LINGO2: variants seen among roughly 807,000 people sequenced by gnomAD.
LINGO2 encodes the protein leucine rich repeat and Ig domain containing 2, also known as leucine-rich repeat and immunoglobulin-like domain-containing nogo receptor-interacting protein 2.
Under a neutral mutation model 30.6 loss-of-function variants are expected in LINGO2, and 14 were observed. The ratio of observed to expected loss-of-function variants is 0.46; its 90% CI spans 0.30 to 0.72. The LOEUF is 0.72. Among genes scored for constraint, LINGO2 ranks in the 30% least tolerant of loss-of-function variants. The probability of loss-of-function intolerance (pLI) is 0.07; values close to 1 mark genes in which losing one functional copy is unlikely to be tolerated. For missense variants in LINGO2, 729 were observed against 751.7 expected, an observed-to-expected ratio of 0.97 and a Z score of 0.35; for synonymous variants, 317 against 288.5, an observed-to-expected ratio of 1.10 and a Z score of -1.00.
the LINGO2 span, among the ~76,000 whole-genome samples, chr9:29,171,989 T>G: frequency 4.0e-5 from 6 of 151,898 alleles, no homozygotes; most frequent in African/African-American, 1.4e-4. Context: ...AAATAAAAGT[T>G]GTTATAATGA....
chr9:28,598,270 A>G (rs1201946808), intron 1 of LINGO2, among the ~76,000 whole-genome samples: 1 of 152,112 alleles, frequency 6.6e-6, no homozygotes, highest in Non-Finnish European at 1.5e-5. Context: ...AAGTTCTTAT[A>G]TACATCTTAC....
At chr9:28,740,123 T>C in the LINGO2 span, among the ~76,000 whole-genome samples, 1 of 150,804 alleles carries the variant, frequency 6.6e-6, no homozygotes, top group Non-Finnish European at 1.5e-5. Flanking sequence ...GATCTTAATA[T>C]TTTAAAATTA....
the LINGO2 span, among the ~76,000 whole-genome samples, chr9:28,835,655 G>C: frequency 2.0e-5 from 3 of 152,148 alleles, no homozygotes; most frequent in African/African-American, 7.2e-5. Context: ...CTGATCAACT[G>C]AACAAGCAAG....
chr9:28,085,849 T>A (rs1296491518), intron 4 of LINGO2, among the ~76,000 whole-genome samples: 2 of 152,108 alleles, frequency 1.3e-5, no homozygotes, highest in Non-Finnish European at 2.9e-5. Flanking sequence ...GGTATTTTAC[T>A]GGGCGGTATG....
the LINGO2 span, among the ~76,000 whole-genome samples, chr9:29,115,874 A>G: frequency 6.6e-6 from 1 of 152,060 alleles, no homozygotes; most frequent in African/African-American, 2.4e-5. Flanking sequence ...AATATCTAGA[A>G]AAGTCCAAAG....
chr9:28,660,848 T>C lies in LINGO2; in HGVS notation c.-365+9352A>G, dbSNP rs575054533. ...AGATTTTAGATGAATATAGAATGTA[T>C]TGTATCTCTGGTCTGATGCTACCTT... On this transcript the variant is annotated intron_variant, in intron 1 of 5. Coordinates refer to ENST00000379992, the Ensembl canonical transcript of LINGO2. Among the ~76,000 whole-genome samples, 31 of 152,286 alleles carry C rather than the reference T, an allele frequency of 2.0e-4. No individual in the cohort carries two copies. In the South Asian group the frequency reaches 3.7e-3, roughly 18 times the overall value.
intron 2 of LINGO2, among the ~76,000 whole-genome samples, chr9:28,452,314 G>A (rs909864600): frequency 4.6e-5 from 7 of 151,706 alleles, no homozygotes; most frequent in African/African-American, 1.7e-4. Context: ...TAATAGAACA[G>A]CTTTCACGAA....
At chr9:29,098,377 A>G in the LINGO2 span, among the ~76,000 whole-genome samples, 2 of 152,132 alleles carry the variant, frequency 1.3e-5, no homozygotes, top group Non-Finnish European at 2.9e-5. Flanking sequence ...AAAGGCATAT[A>G]ACTAGGCAAT....
At chr9:28,982,670 T>A in the LINGO2 span, among the ~76,000 whole-genome samples, 1 of 152,122 alleles carries the variant, frequency 6.6e-6, no homozygotes, top group South Asian at 2.1e-4. Flanking sequence ...ATATGAATCA[T>A]TACCTTATTA....
At chr9:29,188,802 C>T in the LINGO2 span, among the ~76,000 whole-genome samples, 2 of 143,432 alleles carry the variant, frequency 1.4e-5, no homozygotes, top group Non-Finnish European at 3.0e-5. Flanking sequence ...CCTCACCTTC[C>T]GGACAGGGCG....
At chr9:28,102,596 G>T (rs967848687) in intron 4 of LINGO2, among the ~76,000 whole-genome samples, 1 of 146,188 alleles carries the variant, frequency 6.8e-6, no homozygotes, top group African/African-American at 2.7e-5. Flanking sequence ...AGGGAAAGGG[G>T]TTATTAAAAA....
At chr9:28,863,630 GC>G in the LINGO2 span, 1 of 483,840 alleles carries the variant, frequency 2.1e-6, no homozygotes, top group East Asian at 6.1e-5. Context: ...CACCTGTGAA[GC>G]ACTATGAATT....
chr9:28,387,500 G>A (rs1821635983), intron 2 of LINGO2, among the ~76,000 whole-genome samples: 2 of 152,208 alleles, frequency 1.3e-5, no homozygotes, highest in South Asian at 2.1e-4. Context: ...CCCCTTCCAC[G>A]TTGTAGAAGC....
chr9:28,232,169 C>T (rs987133442), intron 4 of LINGO2, among the ~76,000 whole-genome samples: 10 of 152,048 alleles, frequency 6.6e-5, no homozygotes, highest in East Asian at 1.9e-4. Flanking sequence ...GAGGCCAAGG[C>T]GGGCAGATCA....
At chr9:28,643,889 A>G (rs998814849) in intron 1 of LINGO2, among the ~76,000 whole-genome samples, 5 of 152,128 alleles carry the variant, frequency 3.3e-5, no homozygotes, top group African/African-American at 1.2e-4. Flanking sequence ...CTGAATAGAC[A>G]TTTCTCAAAA....
chr9:28,066,679 G>A (rs1007416037), intron 4 of LINGO2, among the ~76,000 whole-genome samples: 6 of 152,068 alleles, frequency 3.9e-5, no homozygotes, highest in Non-Finnish European at 7.4e-5. Context: ...AATACCTGCT[G>A]TTCTTTCTCC....
At chr9:28,763,737 G>T in the LINGO2 span, among the ~76,000 whole-genome samples, 1 of 151,488 alleles carries the variant, frequency 6.6e-6, no homozygotes, top group Admixed American at 6.6e-5. Context: ...CAACAAAACT[G>T]AGAGTGAAAA....
chr9:28,441,206 A>G (rs949472048), intron 2 of LINGO2, among the ~76,000 whole-genome samples: 1 of 147,888 alleles, frequency 6.8e-6, no homozygotes, highest in Non-Finnish European at 1.5e-5. Flanking sequence ...TAAATTTCAC[A>G]AAATGACCTT....
intron 1 of LINGO2, among the ~76,000 whole-genome samples, chr9:28,661,492 G>C (rs1314342322): frequency 6.6e-6 from 1 of 152,124 alleles, no homozygotes; most frequent in Non-Finnish European, 1.5e-5. Flanking sequence ...AAGTTTGGGG[G>C]TTAATCAAAG....
Sources: gnomAD v4.1 joint callset for allele counts (sites outside exome capture counted in the v4.1 genomes callset) on GRCh38, gnomAD v4.1.1 for gene constraint, MANE v1.5 for transcripts, NCBI Gene and HGNC (gene_info 2026-07-23, HGNC 2026-07-21) for gene names.